Variants in ZRANB1 observed in about 807,000 individuals in gnomAD.
ZRANB1 encodes the protein ubiquitin thioesterase ZRANB1.
Under a neutral mutation model 80.5 loss-of-function variants are expected in ZRANB1, and 16 were observed. The observed-to-expected ratio is 0.20, with a 90% CI of 0.13 to 0.30. The LOEUF is 0.30. ZRANB1 is among the 10% of genes least tolerant of loss of function. The pLI is 1.00. For missense variants in ZRANB1, 576 were observed against 862.6 expected, an observed-to-expected ratio of 0.67 and a Z score of 4.16; for synonymous variants, 291 against 293.1, an observed-to-expected ratio of 0.99 and a Z score of 0.07.
At chr10:124,929,944 CAAAAAAAAAAA>C in the ZRANB1 span, among the ~76,000 whole-genome samples, 1 of 87,808 alleles carries the variant, frequency 1.1e-5, no homozygotes, top group Admixed American at 1.2e-4. Flanking sequence ...GACTCTGTCT[CAAAAAAAAAAA>C]AAAAAAAAAG....
intron 1 of ZRANB1, among the ~76,000 whole-genome samples, chr10:124,951,650 T>C (rs1264820817): frequency 6.6e-6 from 1 of 152,160 alleles, no homozygotes; most frequent in Non-Finnish European, 1.5e-5. Context: ...CACAAAACAT[T>C]TGGTGTTTTT....
At chr10:124,961,126 C>T (rs374680544) in intron 1 of ZRANB1, among the ~76,000 whole-genome samples, 26 of 151,942 alleles carry the variant, frequency 1.7e-4, no homozygotes, top group Admixed American at 1.2e-3. Flanking sequence ...CTCAGCCTCC[C>T]GAGTAGCTGA....
chr10:124,930,331 C>A, the ZRANB1 span, among the ~76,000 whole-genome samples: 1 of 152,162 alleles, frequency 6.6e-6, no homozygotes, highest in Non-Finnish European at 1.5e-5. Context: ...AGTGGTGCAA[C>A]CTTGGCTCAC....
At chr10:124,977,913 C>T (rs144420359) in intron 5 of ZRANB1, among the ~76,000 whole-genome samples, 85 of 152,154 alleles carry the variant, frequency 5.6e-4, no homozygotes, top group African/African-American at 2.0e-3. Context: ...GCACCTAGGG[C>T]TGGCATATGG....
chr10:124,960,598 T>G (rs571123364), intron 1 of ZRANB1, among the ~76,000 whole-genome samples: 11 of 152,174 alleles, frequency 7.2e-5, no homozygotes, highest in Non-Finnish European at 1.5e-4. Context: ...TTAAAAAATT[T>G]TTGTAAAGAT....
rs1267017552 is a variant in ZRANB1, at chr10:124,986,318, C to CAG, written c.*1327_*1328insGA. The CAG allele has an allele frequency of 6.6e-6, 1 of 152,012 alleles. No homozygotes were observed. Among genetic ancestry groups the CAG allele is most frequent in the Non-Finnish European group, 1.5e-5 (1 of 67,872 alleles). 9.4% of individuals were successfully genotyped at this position (152,012 alleles called of 1,614,324 possible). A position where few individuals can be genotyped will look rare whatever the true frequency, so the allele number is the denominator to read the frequency against. ...ACACACACACACACACACACACACA[C>CAG]ACACAGTTTTTTCCTTCCCTGTGAT... On this transcript the variant is annotated 3_prime_UTR_variant, in exon 9 of 9. Coordinates refer to ENST00000359653, the MANE Select transcript of ZRANB1 (RefSeq NM_017580.3).
At chr10:124,934,566 C>T in the ZRANB1 span, among the ~76,000 whole-genome samples, 7 of 152,234 alleles carry the variant, frequency 4.6e-5, no homozygotes, top group South Asian at 4.1e-4. Flanking sequence ...AACAATTTTG[C>T]GGCTTTTAGT....
rs1952084343 is a variant in ZRANB1 at position 124,987,497 on chromosome 10, T to G, written c.*2505T>G. 6.6e-6 allele frequency: 1 copy of G among 152,152 alleles called. No individual in the cohort carries two copies. The highest frequency in any genetic ancestry group is 2.1e-4 in the South Asian group (1 of 4,830). The allele number at this position is 152,152 out of a possible 1,614,324, so 9.4% of individuals were successfully genotyped here. A position where few individuals can be genotyped will look rare whatever the true frequency, so the allele number is the denominator to read the frequency against. Reference sequence around the variant, plus strand: ...TCGTGTCCCAGACTTCTTCACATATTCGTGAAGGTAAGATATTCTGTGTGC... The same window carrying G: ...TCGTGTCCCAGACTTCTTCACATATGCGTGAAGGTAAGATATTCTGTGTGC... On this transcript the variant is annotated 3_prime_UTR_variant, in exon 9 of 9. Transcript: ENST00000359653.
chr10:124,967,792 TA>T (rs1204445620), intron 2 of ZRANB1, among the ~76,000 whole-genome samples: 1 of 152,176 alleles, frequency 6.6e-6, no homozygotes, highest in Admixed American at 6.5e-5. Flanking sequence ...AGTGTGGATG[TA>T]AGTTGATTCT....
intron 1 of ZRANB1, among the ~76,000 whole-genome samples, chr10:124,951,164 CAAGT>C (rs1262680594): frequency 6.6e-6 from 1 of 152,052 alleles, no homozygotes; most frequent in Non-Finnish European, 1.5e-5. Flanking sequence ...AGGTTTTTCT[CAAGT>C]AAATTATTAA....
At chr10:124,926,303 T>C in the ZRANB1 span, among the ~76,000 whole-genome samples, 1 of 152,244 alleles carries the variant, frequency 6.6e-6, no homozygotes, top group African/African-American at 2.4e-5. Flanking sequence ...TTGTAACTTT[T>C]TAACTTTATA....
At chr10:124,982,337 C>G (rs1951942626) in intron 6 of ZRANB1, among the ~76,000 whole-genome samples, 1 of 152,148 alleles carries the variant, frequency 6.6e-6, no homozygotes, top group African/African-American at 2.4e-5. Flanking sequence ...GAGGCAATAC[C>G]TGTGTCATGT....
chr10:124,925,197 A>G, the ZRANB1 span, among the ~76,000 whole-genome samples: 8 of 152,114 alleles, frequency 5.3e-5, no homozygotes, highest in African/African-American at 9.7e-5. Context: ...GGCGTGAGCC[A>G]CTGCTCCCTG....
rs139529287 is a variant in ZRANB1 at position 124,969,412 on chromosome 10, G to A, written c.1003-2553G>A. Among the ~76,000 whole-genome samples the A allele has an allele frequency of 2.6e-4, 39 of 152,232 alleles. 1 individual carries two copies. Among genetic ancestry groups the A allele is most frequent in the African/African-American group, 8.4e-4 (35 of 41,534 alleles). ...GGGGCCAGTAGGGAGACTGGAAGTG[G>A]GGGAGTCTGGACTAAGTCTAGACTA... On this transcript the variant is annotated intron_variant, in intron 2 of 8. Transcript: ENST00000359653.
the ZRANB1 span, among the ~76,000 whole-genome samples, chr10:124,921,823 A>G: frequency 6.6e-6 from 1 of 151,912 alleles, no homozygotes; most frequent in Non-Finnish European, 1.5e-5. Flanking sequence ...ATCCGTAAGC[A>G]TTCTTTGCTT....
rs538702549 is a variant in ZRANB1, at chr10:124,942,878, C to T, written c.385C>T (p.Pro129Ser). ...SPQSSGSGSR[P>S]VAFSVDPCEE... ...TCAGTCCTCAGGATCTGGCTCAAGA[C>T]CAGTTGCTTTTTCTGTTGATCCTTG... is the stretch of plus-strand genomic sequence containing the variant. Residue 129 changes from proline (P) to serine (S), a missense_variant, in exon 1 of 9, where the codon CCA (proline) becomes TCA (serine). Pro to Ser is a moderately conservative substitution (Grantham distance 74, BLOSUM62 -1). This residue lies in a region of ZRANB1 where 411 missense variants were observed against 583.1 expected (regional missense o/e 0.70). Transcript: ENST00000359653. The T allele has an allele frequency of 7.4e-6, 12 of 1,614,194 alleles. No individual in the cohort carries two copies. In the African/African-American group the frequency reaches 1.3e-4, roughly 18 times the overall value.
chr10:124,963,265 CAAA>C (rs397844792), intron 1 of ZRANB1, among the ~76,000 whole-genome samples: 31 of 62,362 alleles, frequency 5.0e-4, no homozygotes, highest in East Asian at 3.1e-3. Flanking sequence ...GACTCTGTCT[CAAA>C]AAAAAAAAAA....
In ZRANB1 at chr10:124,983,805, A is replaced by G. The variant is rs1041050083; in HGVS notation, c.1908+117A>G. 252 of 740,732 alleles carry G rather than the reference A, an allele frequency of 3.4e-4. No individual in the cohort carries two copies. The highest frequency in any genetic ancestry group is 1.5e-4 in the Non-Finnish European group (68 of 458,338). The allele number at this position is 740,732 out of a possible 1,614,324, so 45.9% of individuals were successfully genotyped here. On this transcript the variant is annotated intron_variant, in intron 8 of 8. Coordinates refer to ENST00000359653, the MANE Select transcript of ZRANB1 (RefSeq NM_017580.3). The surrounding 1 kb of genome is among the most constrained non-coding windows in gnomAD (Gnocchi z 6.2). The stretch of plus-strand genomic sequence containing the variant: ...TCACTTAATTTCTGAATGTGATGGT[A>G]GTAATTGCTGAAGGTACTAGCTATA...
upstream of ZRANB1, among the ~76,000 whole-genome samples, chr10:124,941,818 T>TTTTG (rs1185008548): frequency 6.6e-6 from 1 of 152,170 alleles, no homozygotes; most frequent in Non-Finnish European, 1.5e-5. Context: ...TAGAACTAGA[T>TTTTG]TTTGAGGCTA....
Sources: allele counts gnomAD v4.1 joint callset (sites outside exome capture counted in the v4.1 genomes callset), GRCh38; gene constraint gnomAD v4.1.1; regional missense constraint gnomAD v4.1.1; non-coding constraint Gnocchi (gnomAD v3.1); transcripts MANE v1.5; gene names NCBI Gene and HGNC (gene_info 2026-07-23, HGNC 2026-07-21).